The following RYR2 variants were observed in gnomAD, a reference collection of about 807,000 sequenced individuals.
The protein encoded by RYR2 is ryanodine receptor 2.
In RYR2, 227 loss-of-function variants were observed where a neutral mutation model predicts 601.1. The observed-to-expected ratio is 0.38, with a 90% CI of 0.34 to 0.42. RYR2 has a LOEUF of 0.42. RYR2 is among the 10% of genes least tolerant of loss of function. The pLI is 1.00. For synonymous variants in RYR2, 2,223 were observed against 2,175.1 expected, an observed-to-expected ratio of 1.02 and a Z score of -0.61; for missense variants, 4,646 against 6,156.5, an observed-to-expected ratio of 0.75 and a Z score of 8.21.
intron 53 of RYR2, among the ~76,000 whole-genome samples, chr1:237,657,211 C>T (rs900135956): frequency 6.6e-6 from 1 of 151,974 alleles, no homozygotes; most frequent in Non-Finnish European, 1.5e-5. Flanking sequence ...ATGTGTATGT[C>T]TTATAGTTCA....
intron 1 of RYR2, among the ~76,000 whole-genome samples, chr1:237,068,261 G>C (rs1445881838): frequency 6.6e-6 from 1 of 152,090 alleles, no homozygotes; most frequent in Non-Finnish European, 1.5e-5. Context: ...GAGGACATTG[G>C]TGGGGTTATC....
intron 104 of RYR2, among the ~76,000 whole-genome samples, 152 bp from the exon 105 acceptor site, chr1:237,832,400 G>C (rs563373213): frequency 6.6e-6 from 1 of 152,036 alleles, no homozygotes; most frequent in African/African-American, 2.4e-5. Flanking sequence ...ATTATGAGAC[G>C]TTAAGGTCTG....
chr1:237,424,396 A>C (rs1705911523), intron 12 of RYR2, among the ~76,000 whole-genome samples: 1 of 152,218 alleles, frequency 6.6e-6, no homozygotes, highest in Non-Finnish European at 1.5e-5. Flanking sequence ...AAAGAAAAAA[A>C]CGTATTACTT....
At chr1:237,348,266 T>C (rs1449773152) in intron 3 of RYR2, among the ~76,000 whole-genome samples, 1 of 152,172 alleles carries the variant, frequency 6.6e-6, no homozygotes, top group Non-Finnish European at 1.5e-5. Flanking sequence ...TGCACCACTA[T>C]TCCAGATCAT....
intron 2 of RYR2, among the ~76,000 whole-genome samples, chr1:237,283,419 T>G (rs7526245): frequency 0.47 from 72,086 of 151,944 alleles, 19,123 homozygotes; most frequent in East Asian, 0.77. Flanking sequence ...CCCTTTACAT[T>G]TACTTTGGCG....
At chr1:237,670,308 CTGGAGAGGGAGA>C (rs1684808767) in intron 58 of RYR2, among the ~76,000 whole-genome samples, 1 of 92,870 alleles carries the variant, frequency 1.1e-5, no homozygotes, top group South Asian at 4.2e-4. Context: ...GAGAGGGAGA[CTGGAGAGGGAGA>C]GGGAGAGGGA....
chr1:237,042,359 T>C lies in RYR2; in HGVS notation c.-163T>C, dbSNP rs1660008241. The C allele has an allele frequency of 2.0e-5, 11 of 558,508 alleles. No homozygotes were observed. The highest frequency in any genetic ancestry group is 2.8e-5 in the Non-Finnish European group (11 of 399,664). The allele number at this position is 558,508 out of a possible 1,614,324, so 34.6% of individuals were successfully genotyped here. ...GCGCCCGAGCGTCCGCGCCTCCTCCTCCGCTCTGCAGGCGGGGACCGCCCG... is the reference window on the plus strand; with the variant it reads ...GCGCCCGAGCGTCCGCGCCTCCTCCCCCGCTCTGCAGGCGGGGACCGCCCG... On this transcript the variant is annotated 5_prime_UTR_variant, in exon 1 of 105. Transcript: ENST00000366574.
At chr1:237,277,637 A>C (rs922173477) in intron 2 of RYR2, among the ~76,000 whole-genome samples, 3 of 152,130 alleles carry the variant, frequency 2.0e-5, no homozygotes, top group African/African-American at 7.2e-5. Context: ...TTGGTCTCTA[A>C]AGACCAGACC....
At chr1:237,563,312 G>A (rs560968107) in intron 27 of RYR2, among the ~76,000 whole-genome samples, 1 of 151,846 alleles carries the variant, frequency 6.6e-6, no homozygotes, top group Non-Finnish European at 1.5e-5. Flanking sequence ...TCAGGAAGCC[G>A]AGGCAGGGGA....
In RYR2 at chr1:237,511,334, G is replaced by C. The variant is rs546013678; in HGVS notation, c.2719-354G>C. Among the ~76,000 whole-genome samples, 8 of 147,426 alleles carry C rather than the reference G, an allele frequency of 5.4e-5. No homozygotes were observed. The East Asian group carries it at 1.6e-3, about 30-fold the overall frequency. ...AAAAAAAGAGTAAGCTGGGCAGGCA[G>C]ACTGTCCTAATTAGACAAGTGGGCA... On this transcript the variant is annotated intron_variant, in intron 23 of 104. Coordinates refer to ENST00000366574, the MANE Select transcript of RYR2 (RefSeq NM_001035.3).
At chr1:237,277,321 A>G (rs1230385955) in intron 2 of RYR2, among the ~76,000 whole-genome samples, 1 of 152,214 alleles carries the variant, frequency 6.6e-6, no homozygotes, top group African/African-American at 2.4e-5. Flanking sequence ...GTAGTACACT[A>G]GCAGTTAAAG....
intron 60 of RYR2, among the ~76,000 whole-genome samples, chr1:237,677,438 G>T (rs1423519400): frequency 6.6e-6 from 1 of 152,100 alleles, no homozygotes; most frequent in Non-Finnish European, 1.5e-5. Context: ...GGGTGTTTTT[G>T]CTTCACTTAT....
intron 103 of RYR2, among the ~76,000 whole-genome samples, chr1:237,830,992 T>C (rs1407453223): frequency 6.6e-6 from 1 of 152,220 alleles, no homozygotes; most frequent in Non-Finnish European, 1.5e-5. Context: ...AAGAGGACTT[T>C]CAGATCTCGT....
At chr1:237,112,404 G>A (rs891170308) in intron 1 of RYR2, among the ~76,000 whole-genome samples, 2 of 152,072 alleles carry the variant, frequency 1.3e-5, no homozygotes, top group African/African-American at 4.8e-5. Flanking sequence ...GTGAGCCACC[G>A]TGCCCGGCCC....
chr1:237,470,518 G>A (rs1660601604), intron 17 of RYR2, among the ~76,000 whole-genome samples: 1 of 152,044 alleles, frequency 6.6e-6, no homozygotes, highest in Non-Finnish European at 1.5e-5. Context: ...CTAGATCGTT[G>A]GGCAGCAGAA....
intron 77 of RYR2, 132 bp from the exon 78 acceptor site, chr1:237,731,914 A>ACACACACACG: frequency 1.6e-6 from 1 of 608,972 alleles, no homozygotes; most frequent in Non-Finnish European, 3.0e-6. Flanking sequence ...ACACACACAC[A>ACACACACACG]CACACCCCAC....
chr1:237,372,473 A>G (rs373780096), intron 6 of RYR2, among the ~76,000 whole-genome samples: 89 of 152,356 alleles, frequency 5.8e-4, no homozygotes, highest in African/African-American at 2.0e-3. Flanking sequence ...TTTATCTACC[A>G]TTGCTAACTA....
At chr1:237,193,577 A>C (rs1487242949) in intron 1 of RYR2, among the ~76,000 whole-genome samples, 1 of 152,246 alleles carries the variant, frequency 6.6e-6, no homozygotes, top group Non-Finnish European at 1.5e-5. Context: ...GTCACAAATC[A>C]GTACTTCTAC....
At position 237,560,637 on chromosome 1, in the gene RYR2, A is replaced by G. The variant is rs527314271; in HGVS notation, c.3215-5930A>G. 6.6e-5 allele frequency among the ~76,000 whole-genome samples: 10 copies of G among 152,354 alleles called. 1 individual carries two copies. The South Asian group carries it at 2.1e-3, about 32-fold the overall frequency. On this transcript the variant is annotated intron_variant, in intron 27 of 104. Coordinates refer to ENST00000366574, the MANE Select transcript of RYR2 (RefSeq NM_001035.3). ...ACCAACATTTGGACATTTTTATCAA[A>G]TAAACACTCCCTGGCTTTTGCCAGC...
Sources: allele counts gnomAD v4.1 joint callset (sites outside exome capture counted in the v4.1 genomes callset), GRCh38; gene constraint gnomAD v4.1.1; transcripts MANE v1.5; gene names NCBI Gene and HGNC (gene_info 2026-07-23, HGNC 2026-07-21).